The following EXOC3 variants were observed in gnomAD, a reference collection of about 807,000 sequenced individuals.
EXOC3 encodes SEC6-like 1.
In EXOC3, 21 loss-of-function variants were observed where a neutral mutation model predicts 73.7. That is an observed-to-expected ratio of 0.29 (90% CI 0.20 to 0.41). The LOEUF is 0.41. EXOC3 is among the 10% of genes least tolerant of loss of function. EXOC3 has a pLI of 1.00. For synonymous variants in EXOC3, 410 were observed against 389.1 expected (o/e 1.05, Z -0.63); for missense variants, 842 against 985.1 (o/e 0.85, Z 1.95).
At position 465,284 on chromosome 5, in the gene EXOC3, G is replaced by T; in HGVS notation, c.1938+12G>T. The T allele has an allele frequency of 6.4e-7, 1 of 1,568,748 alleles. No homozygotes were observed. The highest frequency in any genetic ancestry group is 1.2e-5 in the South Asian group (1 of 85,344). On this transcript the variant is annotated intron_variant, in intron 11 of 12. Transcript: ENST00000512944. ...GGAAGCTGGCGTCCGTGAGTGTCGC[G>T]CAGGTCCGGGCTGGAGAAGGCCTGT...
chr5:446,640 C>T (rs1324040433), intron 2 of EXOC3, among the ~76,000 whole-genome samples: 1 of 152,158 alleles, frequency 6.6e-6, no homozygotes, highest in African/African-American at 2.4e-5. Flanking sequence ...GGCGGATCAC[C>T]TGAGGTCAGG....
rs1737380802 is a variant in EXOC3 at position 443,220 on chromosome 5, G to GGGCGGAGGGGGCGGCGGC, written c.-122_-121insAGGGGGCGGCGGCGGCGG. ...GAGGCGGAGGCAGCGAAGGCGGAGG[G>GGGCGGAGGGGGCGGCGGC]GGCGGCGGGGGCGGCGGCGGCGGCG... On this transcript the variant is annotated 5_prime_UTR_variant, in exon 1 of 13. Coordinates refer to ENST00000512944, the MANE Select transcript of EXOC3 (RefSeq NM_007277.5). The GGGCGGAGGGGGCGGCGGC allele has an allele frequency of 1.3e-5, 2 of 152,796 alleles. No individual in the cohort carries two copies. The highest frequency in any genetic ancestry group is 5.0e-5 in the African/African-American group (2 of 40,104). 9.5% of individuals were successfully genotyped at this position (152,796 alleles called of 1,614,324 possible). A position where few individuals can be genotyped will look rare whatever the true frequency, so the allele number is the denominator to read the frequency against.
In EXOC3 at chr5:453,605, C is replaced by T. The variant is rs1442732468; in HGVS notation, c.600C>T (p.Val200=). ...QLWMVLQRSL[V]TVRRDPTLLV... ...GGATGGTGCTGCAGAGGTCACTGGTCACTGTCCGCCGTGACCCCACCTTGC... is the reference window on the plus strand; with the variant it reads ...GGATGGTGCTGCAGAGGTCACTGGTTACTGTCCGCCGTGACCCCACCTTGC... Residue 200 remains valine (V), a synonymous_variant, in exon 4 of 13, where the codon GTC becomes GTT. Transcript: ENST00000512944. The T allele has an allele frequency of 3.7e-6, 6 of 1,613,848 alleles. No homozygotes were observed. The highest frequency in any genetic ancestry group is 1.3e-5 in the African/African-American group (1 of 74,912).
intron 7 of EXOC3, among the ~76,000 whole-genome samples, chr5:461,113 A>T (rs1737970473): frequency 6.6e-6 from 1 of 152,230 alleles, no homozygotes; most frequent in Non-Finnish European, 1.5e-5. Context: ...TTTACCTGAC[A>T]TTTGATGAGG....
At chr5:445,043 G>C (rs1444548387) in intron 1 of EXOC3, 2 of 152,264 alleles carry the variant, frequency 1.3e-5, no homozygotes. Flanking sequence ...TGGGCATGGA[G>C]AATGAAAAAT....
chr5:461,487 C>T (rs1737981790), intron 7 of EXOC3: 1 of 156,078 alleles, frequency 6.4e-6, no homozygotes, highest in African/African-American at 2.4e-5. Flanking sequence ...GTGGGGCACA[C>T]CTGTAGTCCC....
chr5:462,159 A>G lies in EXOC3; in HGVS notation c.1505A>G (p.Glu502Gly), dbSNP rs1402837952. 2 of 1,613,824 alleles carry G rather than the reference A, an allele frequency of 1.2e-6. No homozygotes were observed. Among genetic ancestry groups the G allele is most frequent in the Non-Finnish European group, 1.7e-6 (2 of 1,179,780 alleles). The change falls in exon 9 of 13, where the codon GAA becomes GGA. Residue 502 changes from glutamate to glycine, a missense_variant and splice_region_variant. Physicochemically the swap from Glu to Gly is moderately conservative, Grantham distance 98. Transcript: ENST00000512944. ...GAACCTGAACCCTTTCCTTGCAGGG[A>G]ATCCATAGTCAGTTTAAAAAGAAAG... The part of the protein sequence containing the change: ...AIINNCQTFK[E>G]SIVSLKRKYL...
chr5:463,951 C>T (rs1306924196), intron 9 of EXOC3, among the ~76,000 whole-genome samples: 1 of 152,248 alleles, frequency 6.6e-6, no homozygotes, highest in Non-Finnish European at 1.5e-5. Context: ...GTATAAATCT[C>T]CTATACTTAA....
At chr5:458,399 T>G (rs1371432848) in intron 6 of EXOC3, among the ~76,000 whole-genome samples, 2 of 152,268 alleles carry the variant, frequency 1.3e-5, no homozygotes, top group Non-Finnish European at 2.9e-5. Flanking sequence ...AGGTGGATTT[T>G]GGGAGCGTCC....
chr5:456,748 CCT>C, intron 4 of EXOC3, 139 bp from the exon 5 acceptor site: 3 of 697,680 alleles, frequency 4.3e-6, no homozygotes, highest in East Asian at 5.5e-5. Flanking sequence ...TGCACTTTCC[CCT>C]GAGCTGTGGG....
intron 6 of EXOC3, among the ~76,000 whole-genome samples, chr5:458,375 G>A (rs1264647842): frequency 6.6e-6 from 1 of 152,218 alleles, no homozygotes; most frequent in Non-Finnish European, 1.5e-5. Context: ...AATGGCACAT[G>A]ATTGAGTTTA....
Position 460,459 on chromosome 5 carries a change from AC to A in EXOC3, c.1391+1001del, listed in dbSNP as rs1186763195. On this transcript the variant is annotated intron_variant, in intron 7 of 12. Transcript: ENST00000512944. Reference sequence around the variant, plus strand: ...TAGGTCCTGTCCTGGTGGCTTAGGTACTACAGCCACGCCGCCCACTCAGAGT... The same window carrying A: ...TAGGTCCTGTCCTGGTGGCTTAGGTATACAGCCACGCCGCCCACTCAGAGT... Among the ~76,000 whole-genome samples the A allele has an allele frequency of 2.6e-5, 4 of 152,182 alleles. No individual in the cohort carries two copies. The East Asian group carries it at 7.7e-4, about 29-fold the overall frequency.
At position 454,068 on chromosome 5, in the gene EXOC3, G is replaced by C. The variant is rs761988446; in HGVS notation, c.1046+17G>C. 4 of 1,565,138 alleles carry C rather than the reference G, an allele frequency of 2.6e-6. No homozygotes were observed. Among genetic ancestry groups the C allele is most frequent in the Non-Finnish European group, 3.5e-6 (4 of 1,155,370 alleles). On this transcript the variant is annotated intron_variant, in intron 4 of 12. Transcript: ENST00000512944. ...CTACACAAGGTAAAGCTAACCTGGC[G>C]CCTGTGTTGGCTCTTAGGTAGAAGC...
At chr5:450,719 C>T (rs1579734728) in intron 3 of EXOC3, among the ~76,000 whole-genome samples, 1 of 151,646 alleles carries the variant, frequency 6.6e-6, no homozygotes, top group Admixed American at 6.6e-5. Context: ...TTAGTAAATG[C>T]AGAAATATTT....
At chr5:455,067 C>T (rs534884512) in intron 4 of EXOC3, among the ~76,000 whole-genome samples, 2 of 152,336 alleles carry the variant, frequency 1.3e-5, no homozygotes, top group African/African-American at 2.4e-5. Flanking sequence ...AACTGTGGCT[C>T]TCTGTGCACA....
chr5:463,213 GT>G (rs769136446), intron 9 of EXOC3, among the ~76,000 whole-genome samples: 1 of 152,200 alleles, frequency 6.6e-6, no homozygotes, highest in Non-Finnish European at 1.5e-5. Flanking sequence ...TCAGTGTCTG[GT>G]TGTGCAAGAG....
At chr5:465,534 C>T (rs950703698) in intron 11 of EXOC3, among the ~76,000 whole-genome samples, 184 bp from the exon 12 acceptor site, 12 of 152,248 alleles carry the variant, frequency 7.9e-5, no homozygotes, top group African/African-American at 2.4e-4. Context: ...GAGGTGCTGG[C>T]TGCCTCCCAC....
Position 457,882 on chromosome 5 carries a change from A to G in EXOC3, c.1165-18A>G, listed in dbSNP as rs923807723. 2.5e-6 allele frequency: 4 copies of G among 1,596,698 alleles called. No homozygotes were observed. Among genetic ancestry groups the G allele is most frequent in the Non-Finnish European group, 3.4e-6 (4 of 1,170,942 alleles). On this transcript the variant is annotated intron_variant, in intron 5 of 12. Coordinates refer to ENST00000512944, the MANE Select transcript of EXOC3 (RefSeq NM_007277.5). ...GCTCTTCTCTCTTCTCTTCTCCATGATGCTGAACTTTCTTTAGTCAAACAT... is the reference window on the plus strand; with the variant it reads ...GCTCTTCTCTCTTCTCTTCTCCATGGTGCTGAACTTTCTTTAGTCAAACAT...
intron 10 of EXOC3, 165 bp from the exon 11 acceptor site, chr5:464,946 C>CGTCA: frequency 4.2e-6 from 3 of 718,318 alleles, no homozygotes; most frequent in Non-Finnish European, 6.7e-6. Flanking sequence ...CCCCACTGAG[C>CGTCA]CCCCGCTCCT....
Sources: allele counts gnomAD v4.1 joint callset (sites outside exome capture counted in the v4.1 genomes callset), GRCh38; gene constraint gnomAD v4.1.1; transcripts MANE v1.5; gene names NCBI Gene and HGNC (gene_info 2026-07-23, HGNC 2026-07-21).